ATRNL1: variants seen among roughly 807,000 people sequenced by gnomAD.
ATRNL1 encodes attractin like 1, also known as attractin-like protein 1.
Under a neutral mutation model 182.7 loss-of-function variants are expected in ATRNL1, and 95 were observed. That is an observed-to-expected ratio of 0.52 (90% CI 0.44 to 0.62). ATRNL1 has a LOEUF of 0.62. ATRNL1 is among the 20% of genes least tolerant of loss of function. ATRNL1 has a pLI of 0.00. For synonymous variants in ATRNL1, 576 were observed against 568.3 expected (o/e 1.01, Z -0.19); for missense variants, 1,471 against 1,679.5 (o/e 0.88, Z 2.17).
intron 1 of ATRNL1, among the ~76,000 whole-genome samples, chr10:115,117,982 T>G (rs1292303435): frequency 1.3e-5 from 2 of 152,202 alleles, no homozygotes; most frequent in African/African-American, 4.8e-5. Context: ...ATGTACGTAT[T>G]TGAAATTTGT....
chr10:115,298,890 T>C (rs1000357860), intron 15 of ATRNL1, among the ~76,000 whole-genome samples: 1 of 152,050 alleles, frequency 6.6e-6, no homozygotes, highest in Non-Finnish European at 1.5e-5. Context: ...CAAGAAACAT[T>C]TGTTGAGTGT....
At chr10:115,098,718 A>C (rs183454859) in intron 1 of ATRNL1, among the ~76,000 whole-genome samples, 1 of 151,968 alleles carries the variant, frequency 6.6e-6, no homozygotes, top group Admixed American at 6.6e-5. Flanking sequence ...CGGCCTCCTA[A>C]AGTGCTGGGA....
At chr10:115,213,216 G>C (rs901672339) in intron 8 of ATRNL1, among the ~76,000 whole-genome samples, 1 of 151,990 alleles carries the variant, frequency 6.6e-6, no homozygotes, top group African/African-American at 2.4e-5. Flanking sequence ...GAGTCTCTGG[G>C]TTCTATTTTA....
intron 1 of ATRNL1, among the ~76,000 whole-genome samples, chr10:115,096,378 T>C (rs2085010926): frequency 6.6e-6 from 1 of 152,178 alleles, no homozygotes; most frequent in Admixed American, 6.5e-5. Flanking sequence ...TAGAAAAGAA[T>C]TCTTCTTGGT....
At chr10:115,415,617 T>A (rs1387541231) in intron 20 of ATRNL1, among the ~76,000 whole-genome samples, 1 of 151,978 alleles carries the variant, frequency 6.6e-6, no homozygotes, top group Non-Finnish European at 1.5e-5. Context: ...TAATTAATTA[T>A]GTAATTAACT....
At chr10:115,867,647 A>G (rs1951468880) in intron 28 of ATRNL1, among the ~76,000 whole-genome samples, 1 of 151,892 alleles carries the variant, frequency 6.6e-6, no homozygotes, top group African/African-American at 2.4e-5. Context: ...TAACATAGCC[A>G]CAGATTGGGA....
intron 28 of ATRNL1, among the ~76,000 whole-genome samples, chr10:115,854,302 C>G (rs955784152): frequency 6.6e-6 from 1 of 152,104 alleles, no homozygotes; most frequent in South Asian, 2.1e-4. Flanking sequence ...GTCGATTATT[C>G]CCCCACTTCA....
rs534352564 is a variant in ATRNL1, at chr10:115,912,265, C to T, written c.4019-32393C>T. On this transcript the variant is annotated intron_variant, in intron 28 of 28. Transcript: ENST00000355044. ...AATTAAGGAAATTAACATATCCATA[C>T]AATGAAGGGACAAAATATACAAAGG... Among the ~76,000 whole-genome samples the T allele has an allele frequency of 2.0e-4, 30 of 152,202 alleles. No individual in the cohort carries two copies. In the South Asian group the frequency reaches 5.6e-3, roughly 28 times the overall value.
chr10:115,704,431 C>CCCCA (rs749651251), intron 26 of ATRNL1, among the ~76,000 whole-genome samples: 2 of 151,838 alleles, frequency 1.3e-5, no homozygotes, highest in Non-Finnish European at 1.5e-5. Flanking sequence ...CCAAATAAGG[C>CCCCA]CCCACTCTGA....
rs1322470972 is a variant in ATRNL1, at chr10:115,729,816, C to T, written c.3903+2461C>T. On this transcript the variant is annotated intron_variant, in intron 27 of 28. Coordinates refer to ENST00000355044, the MANE Select transcript of ATRNL1 (RefSeq NM_207303.4). ...ATACCACCTGGAATTTTTATCAAAA[C>T]GTTATGGATGTACTTCTTTCTTTAT... Among the ~76,000 whole-genome samples, 3 of 151,908 alleles carry T rather than the reference C, an allele frequency of 2.0e-5. No homozygotes were observed. The East Asian group carries it at 5.8e-4, about 29-fold the overall frequency.
At chr10:115,937,282 A>G (rs1378042247) in intron 28 of ATRNL1, among the ~76,000 whole-genome samples, 1 of 152,244 alleles carries the variant, frequency 6.6e-6, no homozygotes, top group African/African-American at 2.4e-5. Flanking sequence ...GCAAAATTTT[A>G]TAACCAGAAT....
chr10:115,609,005 A>C (rs1555018272), intron 26 of ATRNL1, among the ~76,000 whole-genome samples: 1 of 151,984 alleles, frequency 6.6e-6, no homozygotes, highest in Non-Finnish European at 1.5e-5. Context: ...TCTAAATAAT[A>C]TACTTGTATT....
At chr10:115,691,135 C>T (rs948188466) in intron 26 of ATRNL1, among the ~76,000 whole-genome samples, 11 of 152,078 alleles carry the variant, frequency 7.2e-5, no homozygotes, top group African/African-American at 1.9e-4. Context: ...AAGGCAGGTG[C>T]CCAATGTCTG....
In ATRNL1 at chr10:115,558,432, A is replaced by T. The variant is rs148222332; in HGVS notation, c.3795+8896A>T. Reference sequence around the variant, plus strand: ...AAAGGCTGAGGTGAATTGGCAGCCCATGCAGATAAAGGGATGGTCCCTGCT... The same window carrying T: ...AAAGGCTGAGGTGAATTGGCAGCCCTTGCAGATAAAGGGATGGTCCCTGCT... On this transcript the variant is annotated intron_variant, in intron 26 of 28. Transcript: ENST00000355044. 5.0e-3 allele frequency among the ~76,000 whole-genome samples: 765 copies of T among 152,298 alleles called. 7 individuals carry two copies. Among genetic ancestry groups the T allele is most frequent in the African/African-American group, 0.017 (726 of 41,570 alleles).
chr10:115,852,514 T>C (rs1300193548), intron 28 of ATRNL1, among the ~76,000 whole-genome samples: 1 of 152,160 alleles, frequency 6.6e-6, no homozygotes, highest in East Asian at 1.9e-4. Context: ...ACCCTCTTAA[T>C]GATTCTGTGG....
intron 19 of ATRNL1, among the ~76,000 whole-genome samples, chr10:115,368,975 A>G (rs1857235090): frequency 6.6e-6 from 1 of 151,978 alleles, no homozygotes; most frequent in African/African-American, 2.4e-5. Flanking sequence ...TGGCCTCCCA[A>G]AGTGCTGGGA....
chr10:115,191,575 G>A (rs1202323939), intron 8 of ATRNL1, among the ~76,000 whole-genome samples: 3 of 151,978 alleles, frequency 2.0e-5, no homozygotes, highest in African/African-American at 4.8e-5. Flanking sequence ...CAATCCCCAC[G>A]TATCAAGGAA....
chr10:115,508,479 C>T (rs967623351), intron 24 of ATRNL1, among the ~76,000 whole-genome samples: 1 of 151,958 alleles, frequency 6.6e-6, no homozygotes, highest in Admixed American at 6.6e-5. Flanking sequence ...GAAATCTAGG[C>T]CTCTTGTCCG....
At chr10:115,660,260 G>A (rs11197391) in intron 26 of ATRNL1, among the ~76,000 whole-genome samples, 1,776 of 152,144 alleles carry the variant, frequency 0.012, 35 homozygotes, top group African/African-American at 0.04. Context: ...TTCTAAAGAC[G>A]GTGGGAGATT....
Sources: allele counts gnomAD v4.1 joint callset (sites outside exome capture counted in the v4.1 genomes callset), GRCh38; gene constraint gnomAD v4.1.1; transcripts MANE v1.5; gene names NCBI Gene and HGNC (gene_info 2026-07-23, HGNC 2026-07-21).